ANKHD1: variants seen among roughly 807,000 people sequenced by gnomAD.
The protein encoded by ANKHD1 is ankyrin repeat and KH domain containing 1.
ANKHD1 carries 31 observed loss-of-function variants against 230.5 expected under a neutral mutation model. The observed-to-expected ratio is 0.13, with a 90% confidence interval of 0.10 to 0.18. The LOEUF is 0.18. Ranked by LOEUF, ANKHD1 falls within the 10% of genes least tolerant of loss-of-function variation. ANKHD1 has a pLI of 1.00. For missense variants in ANKHD1, 2,256 were observed against 3,071.3 expected (o/e 0.73, Z 6.27); for synonymous variants, 1,074 against 1,117.6 (o/e 0.96, Z 0.78).
At chr5:140,483,452 CTTT>C (rs369245406) in intron 11 of ANKHD1, among the ~76,000 whole-genome samples, 3 of 110,606 alleles carry the variant, frequency 2.7e-5, no homozygotes, top group African/African-American at 1.0e-4. Flanking sequence ...AAGATTTTAT[CTTT>C]TTTTTTTTTT....
In ANKHD1 at chr5:140,485,494, G is replaced by A; in HGVS notation, c.1999-95G>A. On this transcript the variant is annotated intron_variant, in intron 12 of 33. Coordinates refer to ENST00000360839, the MANE Select transcript of ANKHD1 (RefSeq NM_017747.3). This position sits in a 1 kb window ranked among gnomAD's most constrained non-coding sequence, Gnocchi z 4.8. The stretch of plus-strand genomic sequence containing the variant: ...ATAAAAATATGTTTGATCTATCTTA[G>A]TGCTTAGTATTTAATACTGTTTAAA... The A allele has an allele frequency of 1.3e-6, 2 of 1,506,822 alleles. No individual in the cohort carries two copies. The highest frequency in any genetic ancestry group is 1.8e-6 in the Non-Finnish European group (2 of 1,123,556). The allele number at this position is 1,506,822 out of a possible 1,614,324, so 93.3% of individuals were successfully genotyped here.
At chr5:140,534,912 G>T (rs923929506) in intron 29 of ANKHD1, among the ~76,000 whole-genome samples, 1 of 152,166 alleles carries the variant, frequency 6.6e-6, no homozygotes, top group African/African-American at 2.4e-5. Context: ...GGAAACATTG[G>T]TAGATTTTGT....
At chr5:140,460,912 A>T (rs1775656590) in intron 9 of ANKHD1, among the ~76,000 whole-genome samples, 2 of 152,202 alleles carry the variant, frequency 1.3e-5, no homozygotes, top group South Asian at 4.1e-4. Context: ...ACTGATAATC[A>T]TTCTAGTTAT....
chr5:140,435,751 T>C (rs1053162919), intron 1 of ANKHD1, among the ~76,000 whole-genome samples: 4 of 152,090 alleles, frequency 2.6e-5, no homozygotes, highest in African/African-American at 7.2e-5. Flanking sequence ...CCCAGGCTGG[T>C]GTCAAACTCC....
chr5:140,417,429 A>T lies in ANKHD1; in HGVS notation c.306+15156A>T, dbSNP rs189896007. Among the ~76,000 whole-genome samples, 375 of 151,510 alleles carry T rather than the reference A, an allele frequency of 2.5e-3. 1 individual carries two copies. Among genetic ancestry groups the T allele is most frequent in the African/African-American group, 7.1e-3 (294 of 41,430 alleles). ...AATTAAACATTTTTTTAATTAAAAAATTTTTTAATTTAAAATTTTTAATTT... is the reference window on the plus strand; with the variant it reads ...AATTAAACATTTTTTTAATTAAAAATTTTTTTAATTTAAAATTTTTAATTT... On this transcript the variant is annotated intron_variant, in intron 1 of 33. Coordinates refer to ENST00000360839, the MANE Select transcript of ANKHD1 (RefSeq NM_017747.3).
chr5:140,427,012 G>A (rs965304254), intron 1 of ANKHD1, among the ~76,000 whole-genome samples: 14 of 152,078 alleles, frequency 9.2e-5, no homozygotes, highest in Admixed American at 7.9e-4. Flanking sequence ...ATCATGGCCC[G>A]TTCTCAATGA....
chr5:140,403,559 G>A (rs539942291), intron 1 of ANKHD1, among the ~76,000 whole-genome samples: 19 of 151,994 alleles, frequency 1.3e-4, no homozygotes, highest in Non-Finnish European at 2.8e-4. Flanking sequence ...CTACAGGCGC[G>A]TGCCACCACT....
chr5:140,465,641 C>A (rs116599123), intron 10 of ANKHD1, among the ~76,000 whole-genome samples: 1 of 152,286 alleles, frequency 6.6e-6, no homozygotes, highest in African/African-American at 2.4e-5. Flanking sequence ...CCTTTTAAAT[C>A]ATCCAAGTAG....
intron 7 of ANKHD1, among the ~76,000 whole-genome samples, chr5:140,456,007 T>G (rs938896992): frequency 1.3e-5 from 2 of 152,188 alleles, no homozygotes; most frequent in Admixed American, 6.5e-5. Context: ...AAAAGCAACT[T>G]CAGCAAAGTC....
chr5:140,525,111 T>C (rs1753543295), intron 25 of ANKHD1, among the ~76,000 whole-genome samples: 1 of 151,144 alleles, frequency 6.6e-6, no homozygotes. Context: ...AGCAAAACTC[T>C]GTCTCAAAAA....
At chr5:140,402,417 G>T in intron 1 of ANKHD1, 144 bp downstream of exon 1, 2 of 1,199,510 alleles carry the variant, frequency 1.7e-6, no homozygotes, top group Non-Finnish European at 2.2e-6. Context: ...TGGCCGCGGT[G>T]AGGGCCTAGT....
intron 1 of ANKHD1, among the ~76,000 whole-genome samples, chr5:140,416,872 T>G (rs1771442521): frequency 6.6e-6 from 1 of 151,634 alleles, no homozygotes; most frequent in Non-Finnish European, 1.5e-5. Context: ...TTTTTTAATT[T>G]CTGCAAAAAG....
Position 140,507,403 on chromosome 5 carries a change from G to A in ANKHD1, c.3552-382G>A, listed in dbSNP as rs1404372914. Among the ~76,000 whole-genome samples, 2 of 152,228 alleles carry A rather than the reference G, an allele frequency of 1.3e-5. No homozygotes were observed. The highest frequency in any genetic ancestry group is 4.8e-5 in the African/African-American group (2 of 41,452). On this transcript the variant is annotated intron_variant, in intron 19 of 33. Transcript: ENST00000360839. This position sits in a 1 kb window ranked among gnomAD's most constrained non-coding sequence, Gnocchi z 4.1. Reference sequence around the variant, plus strand: ...GCTTACCGCGAACTCTGCCTCCGGGGTTCAAGCGATTCTTATGCCTCAGCC... The same window carrying A: ...GCTTACCGCGAACTCTGCCTCCGGGATTCAAGCGATTCTTATGCCTCAGCC...
intron 24 of ANKHD1, among the ~76,000 whole-genome samples, chr5:140,522,848 T>C: frequency 6.6e-6 from 1 of 152,156 alleles, no homozygotes; most frequent in Non-Finnish European, 1.5e-5. Flanking sequence ...TCTGTCTTTC[T>C]GATTGTAGCC....
At chr5:140,500,648 CAAAA>C (rs376975917) in intron 15 of ANKHD1, among the ~76,000 whole-genome samples, 1 of 78,746 alleles carries the variant, frequency 1.3e-5, no homozygotes, top group Non-Finnish European at 2.5e-5. Context: ...GACTCTGTCT[CAAAA>C]AAAAAAAAAA....
chr5:140,523,179 T>G (rs1397581690), intron 24 of ANKHD1, among the ~76,000 whole-genome samples: 1 of 150,264 alleles, frequency 6.7e-6, no homozygotes, highest in Non-Finnish European at 1.5e-5. Flanking sequence ...GTGACATGAT[T>G]ATAGCTCACT....
chr5:140,529,435 T>G lies in ANKHD1; in HGVS notation c.6489T>G (p.Asn2163Lys), dbSNP rs756805738. ...HQDPQSIFVT[N>K]PVTLTPPQGP... ...ATCCCCAGTCTATTTTTGTTACGAA[T>G]CCAGTTACTTTAACACCACCTCAAG... The change falls in exon 29 of 34, where the codon AAT becomes AAG. Residue 2163 changes from asparagine (N) to lysine (K), a missense_variant. Transcript: ENST00000360839. The G allele has an allele frequency of 2.5e-6, 4 of 1,614,212 alleles. No individual in the cohort carries two copies. In the South Asian group the frequency reaches 4.4e-5, roughly 18 times the overall value.
chr5:140,531,530 G>A lies in ANKHD1; in HGVS notation c.6850+1734G>A, dbSNP rs74550234. ...CAGAAGATGGAGGTTGCAGTAAGCC[G>A]AAATCATGCCACAGCACTCCAAGCC... On this transcript the variant is annotated intron_variant, in intron 29 of 33. Coordinates refer to ENST00000360839, the MANE Select transcript of ANKHD1 (RefSeq NM_017747.3). 537 of 172,082 alleles carry A rather than the reference G, an allele frequency of 3.1e-3. 3 individuals are homozygous for A. Among genetic ancestry groups the A allele is most frequent in the Non-Finnish European group, 5.1e-3 (407 of 79,236 alleles). 10.7% of individuals were successfully genotyped at this position (172,082 alleles called of 1,614,324 possible).
At chr5:140,513,291 A>T (rs115098858) in intron 23 of ANKHD1, 72 bp from the exon 24 acceptor site, 3 of 1,432,626 alleles carry the variant, frequency 2.1e-6, no homozygotes, top group African/African-American at 1.4e-5. Context: ...CTGGACTTTA[A>T]TGTGCTCATC....
Sources: gnomAD v4.1 joint callset for allele counts (sites outside exome capture counted in the v4.1 genomes callset) on GRCh38, gnomAD v4.1.1 for gene constraint, Gnocchi (gnomAD v3.1) non-coding constraint, MANE v1.5 for transcripts, NCBI Gene and HGNC (gene_info 2026-07-23, HGNC 2026-07-21) for gene names.